Variants in MROH2B observed in about 807,000 individuals in gnomAD.
MROH2B encodes maestro heat like repeat family member 2B.
In MROH2B, 177 loss-of-function variants were observed where a neutral mutation model predicts 208.6. The observed-to-expected ratio is 0.85, with a 90% CI of 0.75 to 0.96. The LOEUF (loss-of-function observed/expected upper bound fraction) is 0.96. Ranked by LOEUF, MROH2B falls within the 40% of genes least tolerant of loss-of-function variation. The pLI is 0.00. For synonymous variants in MROH2B, 728 were observed against 659.0 expected (o/e 1.10, Z -1.60); for missense variants, 2,002 against 1,878.7 (o/e 1.07, Z -1.21).
intron 19 of MROH2B, among the ~76,000 whole-genome samples, chr5:41,041,786 A>C (rs1412452886): frequency 6.6e-6 from 1 of 152,200 alleles, no homozygotes; most frequent in Non-Finnish European, 1.5e-5. Flanking sequence ...TCTATAAGTA[A>C]TTTCAGCTTG....
chr5:41,053,665 T>C (rs2150177554), intron 11 of MROH2B, among the ~76,000 whole-genome samples: 1 of 152,278 alleles, frequency 6.6e-6, no homozygotes, highest in East Asian at 1.9e-4. Flanking sequence ...TCTCTATTTT[T>C]GCCTGGGGAG....
chr5:41,016,510 T>TG (rs1554047603), intron 28 of MROH2B, among the ~76,000 whole-genome samples: 1 of 140,902 alleles, frequency 7.1e-6, no homozygotes, highest in Non-Finnish European at 1.5e-5. Context: ...TTTTTTTTTT[T>TG]TTTTTTTTTT....
At chr5:41,025,475 A>G (rs1255388005) in intron 24 of MROH2B, among the ~76,000 whole-genome samples, 1 of 152,216 alleles carries the variant, frequency 6.6e-6, no homozygotes, top group East Asian at 1.9e-4. Context: ...ACCTCCCAAG[A>G]CAAAACCAGG....
At chr5:41,069,846 T>C in intron 1 of MROH2B, 94 bp from the exon 2 acceptor site, 1 of 928,394 alleles carries the variant, frequency 1.1e-6, no homozygotes. Flanking sequence ...ATTCATTCAT[T>C]TATCCTCTCT....
chr5:41,067,576 T>C (rs1392661387), intron 2 of MROH2B, among the ~76,000 whole-genome samples: 1 of 152,028 alleles, frequency 6.6e-6, no homozygotes, highest in East Asian at 1.9e-4. Flanking sequence ...CCATGTTGGC[T>C]ACGCTGGTCT....
At chr5:41,017,221 GC>G (rs941709239) in intron 28 of MROH2B, among the ~76,000 whole-genome samples, 14 of 152,162 alleles carry the variant, frequency 9.2e-5, no homozygotes, top group African/African-American at 3.4e-4. Context: ...TGGACAGGGA[GC>G]CCTGATTGTT....
At position 41,064,488 on chromosome 5, in the gene MROH2B, CTTCATCCT is replaced by C. The variant is rs533532784; in HGVS notation, c.436_443del (p.Arg146GlyfsTer8). 4,689 of 1,613,188 alleles carry C rather than the reference CTTCATCCT, an allele frequency of 2.9e-3. 11 individuals carry two copies. Among genetic ancestry groups the C allele is most frequent in the Non-Finnish European group, 3.7e-3 (4,397 of 1,179,402 alleles). On this transcript the variant is annotated frameshift_variant, in exon 5 of 42. Transcript: ENST00000399564. LOFTEE classifies it high-confidence loss of function. ...GATACCCACCAATACAGAAAGTCCCCTTCATCCTTTCATCCTCGGCCAGCCTGAGCATG... is the reference window on the plus strand; with the variant it reads ...GATACCCACCAATACAGAAAGTCCCCTTCATCCTCGGCCAGCCTGAGCATG...
chr5:41,031,447 T>C (rs994123316), intron 24 of MROH2B, among the ~76,000 whole-genome samples: 5 of 152,076 alleles, frequency 3.3e-5, no homozygotes, highest in South Asian at 4.1e-4. Flanking sequence ...GAGATTTGGG[T>C]GGGGACCCAA....
chr5:41,042,992 C>T (rs1369780370), intron 18 of MROH2B, among the ~76,000 whole-genome samples: 2 of 152,090 alleles, frequency 1.3e-5, no homozygotes, highest in Admixed American at 6.5e-5. Context: ...ATTTAGAATC[C>T]CCATATTGTC....
intron 23 of MROH2B, 53 bp downstream of exon 23, chr5:41,032,988 C>T (rs182528304): frequency 1.9e-5 from 30 of 1,607,504 alleles, no homozygotes; most frequent in Non-Finnish European, 2.6e-5. Context: ...TAGCCCTGAA[C>T]TCTTGGTAAT....
chr5:41,024,583 AT>A (rs1742282386), intron 24 of MROH2B, among the ~76,000 whole-genome samples: 1 of 152,162 alleles, frequency 6.6e-6, no homozygotes, highest in Non-Finnish European at 1.5e-5. Context: ...CACAATAATA[AT>A]GGGAGACTGT....
intron 18 of MROH2B, among the ~76,000 whole-genome samples, chr5:41,044,286 C>T (rs1194991320): frequency 5.3e-5 from 8 of 151,496 alleles, no homozygotes; most frequent in African/African-American, 1.9e-4. Flanking sequence ...TACCAGCCAA[C>T]CTCAAGTATA....
intron 28 of MROH2B, among the ~76,000 whole-genome samples, chr5:41,016,771 C>T (rs1418643834): frequency 1.3e-5 from 2 of 151,990 alleles, no homozygotes; most frequent in African/African-American, 2.4e-5. Context: ...TGACCCACCA[C>T]GTCCAGCCTG....
chr5:41,010,017 A>G lies in MROH2B; in HGVS notation c.3198T>C (p.Ser1066=), dbSNP rs748016328. The G allele has an allele frequency of 5.0e-6, 8 of 1,613,682 alleles. No individual in the cohort carries two copies. Among genetic ancestry groups the G allele is most frequent in the Non-Finnish European group, 5.1e-6 (6 of 1,179,816 alleles). The change falls in exon 31 of 42, where the codon AGT becomes AGC. Residue 1066 remains serine (S), a synonymous_variant. Coordinates refer to ENST00000399564, the MANE Select transcript of MROH2B (RefSeq NM_173489.5). ...AGATGGCTTCTAGAATGAACTGAAA[A>G]CTTTCTTCTTTTTGTCTGAGGACTG... The part of the protein sequence containing the change: ...HMPVLRQKEE[S]FQFILEAISQ...
rs577733769 is a variant in MROH2B, at chr5:41,067,630, A to G, written c.91-412T>C. On this transcript the variant is annotated intron_variant, in intron 2 of 41. Transcript: ENST00000399564. ...TGATCCACTTGCCTCGGTCTCCCAA[A>G]GTGCTGGGATTACAGGCATGAGCCA... is the stretch of plus-strand genomic sequence containing the variant. 2.0e-5 allele frequency among the ~76,000 whole-genome samples: 3 copies of G among 152,234 alleles called. No homozygotes were observed. In the East Asian group the frequency reaches 5.8e-4, roughly 29 times the overall value.
chr5:41,022,049 T>A (rs1453243270), intron 24 of MROH2B, among the ~76,000 whole-genome samples: 1 of 152,180 alleles, frequency 6.6e-6, no homozygotes, highest in Non-Finnish European at 1.5e-5. Context: ...CATGATGTTA[T>A]AAGATATACA....
intron 23 of MROH2B, 58 bp from the exon 24 acceptor site, chr5:41,032,879 G>A: frequency 6.4e-7 from 1 of 1,568,450 alleles, no homozygotes; most frequent in Non-Finnish European, 8.7e-7. Flanking sequence ...GTTACCAGAT[G>A]CAGCTGCAAC....
chr5:41,013,712 ACAG>A (rs1741846818), intron 29 of MROH2B, among the ~76,000 whole-genome samples: 1 of 152,200 alleles, frequency 6.6e-6, no homozygotes, highest in Non-Finnish European at 1.5e-5. Context: ...GTTTTGTCTC[ACAG>A]TGGGATGGAT....
At chr5:41,000,956 T>C (rs1346595120) in intron 37 of MROH2B, 123 bp from the exon 38 acceptor site, 1 of 1,071,804 alleles carries the variant, frequency 9.3e-7, no homozygotes, top group South Asian at 1.7e-5. Context: ...CAGGCACTTG[T>C]CCATCATAGT....
Sources: gnomAD v4.1 joint callset for allele counts (sites outside exome capture counted in the v4.1 genomes callset) on GRCh38, gnomAD v4.1.1 for gene constraint, MANE v1.5 for transcripts, NCBI Gene and HGNC (gene_info 2026-07-23, HGNC 2026-07-21) for gene names.